PDE1A: variants seen among roughly 807,000 people sequenced by gnomAD.
PDE1A encodes the protein phosphodiesterase 1A.
PDE1A carries 35 observed loss-of-function variants against 61.7 expected under a neutral mutation model. The observed-to-expected ratio is 0.57, with a 90% CI of 0.43 to 0.75. PDE1A has a LOEUF of 0.75. Ranked by LOEUF, PDE1A falls within the 30% of genes least tolerant of loss-of-function variation. The pLI, the probability that PDE1A is intolerant of heterozygous loss-of-function variation, is 0.00. For synonymous variants in PDE1A, 232 were observed against 213.2 expected (o/e 1.09, Z -0.77); for missense variants, 597 against 630.6 (o/e 0.95, Z 0.57).
upstream of PDE1A, among the ~76,000 whole-genome samples, chr2:182,429,580 G>A (rs545421056): frequency 1.5e-4 from 23 of 152,066 alleles, no homozygotes; most frequent in South Asian, 2.9e-3. Context: ...GTTAGAAATC[G>A]TCCTAACTGG....
At chr2:182,400,064 A>C (rs1035057205) in intron 1 of PDE1A, among the ~76,000 whole-genome samples, 1 of 152,172 alleles carries the variant, frequency 6.6e-6, no homozygotes, top group East Asian at 1.9e-4. Context: ...TCTTTAAATG[A>C]AATATTGTTT....
At chr2:182,365,099 T>C (rs1000179369) in intron 1 of PDE1A, among the ~76,000 whole-genome samples, 1 of 152,050 alleles carries the variant, frequency 6.6e-6, no homozygotes, top group Non-Finnish European at 1.5e-5. Flanking sequence ...TAATTCTAAG[T>C]ACAAATCTAT....
chr2:182,484,034 G>C (rs1055374484), intron 2 of PDE1A, among the ~76,000 whole-genome samples: 1 of 151,816 alleles, frequency 6.6e-6, no homozygotes, highest in Non-Finnish European at 1.5e-5. Context: ...TTCATTAAAA[G>C]ATCTAAATCA....
At chr2:182,373,011 G>C (rs1027099490) in intron 1 of PDE1A, among the ~76,000 whole-genome samples, 2 of 152,242 alleles carry the variant, frequency 1.3e-5, no homozygotes, top group African/African-American at 4.8e-5. Context: ...CCTGTGCACT[G>C]GGACCCTATG....
chr2:182,346,251 T>C (rs1434045903), intron 1 of PDE1A, among the ~76,000 whole-genome samples: 2 of 152,088 alleles, frequency 1.3e-5, no homozygotes, highest in East Asian at 1.9e-4. Flanking sequence ...AACTCAGCAA[T>C]TGTGGAAATT....
the PDE1A span, among the ~76,000 whole-genome samples, chr2:182,646,441 G>C: frequency 1.4e-5 from 2 of 147,444 alleles, no homozygotes; most frequent in Non-Finnish European, 3.0e-5. Context: ...TGTAATCCCA[G>C]TACTTTGGGA....
rs377606411 is a variant in PDE1A at position 182,447,058 on chromosome 2, G to C, written c.101+75218C>G. Among the ~76,000 whole-genome samples the C allele has an allele frequency of 4.0e-5, 6 of 151,096 alleles. No individual in the cohort carries two copies. The East Asian group carries it at 1.2e-3, about 30-fold the overall frequency. ...AACTCCAGAATTACACTTACAAGTTGGTTAAGTTCAAAAGGACGGCCACTG... is the reference window on the plus strand; with the variant it reads ...AACTCCAGAATTACACTTACAAGTTCGTTAAGTTCAAAAGGACGGCCACTG... On this transcript the variant is annotated intron_variant, in intron 2 of 14. Transcript: ENST00000410103.
At chr2:182,154,457 C>T (rs901431516) in intron 13 of PDE1A, among the ~76,000 whole-genome samples, 2 of 152,146 alleles carry the variant, frequency 1.3e-5, no homozygotes, top group African/African-American at 4.8e-5. Context: ...TGTGTCCCCA[C>T]CCATATCTCA....
intron 1 of PDE1A, among the ~76,000 whole-genome samples, chr2:182,337,401 A>T (rs1239786607): frequency 5.9e-5 from 9 of 152,222 alleles, no homozygotes; most frequent in Admixed American, 5.9e-4. Flanking sequence ...TTTACCATCT[A>T]AATGGTAGAG....
intron 1 of PDE1A, among the ~76,000 whole-genome samples, chr2:182,403,492 G>C (rs532213634): frequency 6.6e-6 from 1 of 151,678 alleles, no homozygotes; most frequent in Non-Finnish European, 1.5e-5. Flanking sequence ...CCAGCTACTC[G>C]GGAGGCTGAG....
At position 182,188,899 on chromosome 2, in the gene PDE1A, C is replaced by A. The variant is rs543264337; in HGVS notation, c.1207+80G>T. 4.5e-6 allele frequency: 4 copies of A among 885,038 alleles called. No individual in the cohort carries two copies. The Admixed American group carries it at 7.6e-5, about 17-fold the overall frequency. 54.8% of individuals were successfully genotyped at this position (885,038 alleles called of 1,614,324 possible). The stretch of plus-strand genomic sequence containing the variant: ...GAGTGAGGTTTTCATGCAAGTTACC[C>A]CTTTGAACAACATCGTTTACCCATT... On this transcript the variant is annotated intron_variant, in intron 11 of 13. Coordinates refer to ENST00000351439, the Ensembl canonical transcript of PDE1A.
intron 2 of PDE1A, among the ~76,000 whole-genome samples, chr2:182,243,727 T>G (rs577379706): frequency 2.6e-5 from 4 of 152,356 alleles, no homozygotes; most frequent in Admixed American, 6.5e-5. Context: ...GTTAGTTTAG[T>G]TAACTGAGCA....
At chr2:182,164,432 CCT>C (rs1268402227), downstream of PDE1A, among the ~76,000 whole-genome samples, 2 of 152,086 alleles carry the variant, frequency 1.3e-5, no homozygotes, top group Non-Finnish European at 2.9e-5. Flanking sequence ...TGTGTATAGA[CCT>C]CTCTGAGTGG....
At chr2:182,641,559 A>G in the PDE1A span, among the ~76,000 whole-genome samples, 2 of 152,228 alleles carry the variant, frequency 1.3e-5, no homozygotes, top group Non-Finnish European at 2.9e-5. Flanking sequence ...TATTCATCTC[A>G]TTTATAAAAT....
intron 13 of PDE1A, among the ~76,000 whole-genome samples, chr2:182,172,909 G>C (rs1350147196): frequency 1.3e-5 from 2 of 152,000 alleles, no homozygotes; most frequent in African/African-American, 4.8e-5. Context: ...GACCAGTCAT[G>C]ACCTTGTCCA....
intron 1 of PDE1A, among the ~76,000 whole-genome samples, chr2:182,416,143 GA>G (rs1487844261): frequency 2.6e-5 from 4 of 152,140 alleles, no homozygotes; most frequent in African/African-American, 4.8e-5. Flanking sequence ...TAGTATAACA[GA>G]TGTATAAAAT....
chr2:182,560,899 G>C, the PDE1A span, among the ~76,000 whole-genome samples: 3 of 152,196 alleles, frequency 2.0e-5, no homozygotes, highest in East Asian at 5.8e-4. Flanking sequence ...CCCACTTTTT[G>C]ATGGGGTTGT....
At chr2:182,698,759 C>A in the PDE1A span, among the ~76,000 whole-genome samples, 1,036 of 152,150 alleles carry the variant, frequency 6.8e-3, 6 homozygotes, top group Non-Finnish European at 0.01. Flanking sequence ...CTTTTTAAAG[C>A]CCAGAGACAT....
At chr2:182,538,455 T>C in the PDE1A span, among the ~76,000 whole-genome samples, 5 of 152,242 alleles carry the variant, frequency 3.3e-5, no homozygotes, top group South Asian at 2.1e-4. Context: ...TGAAAAGATA[T>C]TGGCATGCAC....
Sources: gnomAD v4.1 joint callset for allele counts (sites outside exome capture counted in the v4.1 genomes callset) on GRCh38, gnomAD v4.1.1 for gene constraint, MANE v1.5 for transcripts, NCBI Gene and HGNC (gene_info 2026-07-23, HGNC 2026-07-21) for gene names.